Variants in SEMA5A observed in about 807,000 individuals in gnomAD.
SEMA5A encodes the protein semaphorin-5A.
In SEMA5A, 55 loss-of-function variants were observed where a neutral mutation model predicts 135.5. The observed-to-expected ratio is 0.41, with a 90% confidence interval of 0.33 to 0.51. The LOEUF is 0.51. Ranked by LOEUF, SEMA5A falls within the 20% of genes least tolerant of loss-of-function variation. The pLI is 0.37. For missense variants in SEMA5A, 1,290 were observed against 1,419.9 expected, an observed-to-expected ratio of 0.91 and a Z score of 1.47; for synonymous variants, 580 against 546.5, an observed-to-expected ratio of 1.06 and a Z score of -0.85.
intron 4 of SEMA5A, among the ~76,000 whole-genome samples, chr5:9,320,356 A>T (rs1579338659): frequency 6.6e-6 from 1 of 152,066 alleles, no homozygotes; most frequent in East Asian, 1.9e-4. Context: ...CTCTGAGGGG[A>T]GGGAATATTA....
chr5:9,202,397 C>A (rs1295588015), intron 8 of SEMA5A, among the ~76,000 whole-genome samples, 157 bp from the exon 9 acceptor site: 1 of 152,170 alleles, frequency 6.6e-6, no homozygotes, highest in Non-Finnish European at 1.5e-5. Context: ...GCTTAATGAT[C>A]TACACTGTTG....
intron 8 of SEMA5A, among the ~76,000 whole-genome samples, chr5:9,207,104 A>G (rs949972247): frequency 8.7e-4 from 28 of 32,138 alleles, no homozygotes; most frequent in African/African-American, 3.4e-3. Context: ...GATCAAGTGT[A>G]TATATATATA....
chr5:9,353,110 A>AG (rs768848070), intron 3 of SEMA5A, among the ~76,000 whole-genome samples: 303 of 16,976 alleles, frequency 0.018, 56 homozygotes, highest in African/African-American at 0.052. Context: ...AGGAAAGGAA[A>AG]GGAAAGGAAA....
intron 2 of SEMA5A, among the ~76,000 whole-genome samples, chr5:9,383,586 T>A (rs1755706372): frequency 1.3e-5 from 2 of 152,208 alleles, no homozygotes; most frequent in Admixed American, 6.5e-5. Context: ...CAAGCCATCA[T>A]GGAGATGGGT....
intron 18 of SEMA5A, among the ~76,000 whole-genome samples, chr5:9,054,667 G>T (rs1033642115): frequency 2.6e-5 from 4 of 152,150 alleles, no homozygotes; most frequent in Admixed American, 6.5e-5. Context: ...TCTCACCTTT[G>T]CCATCTAACT....
At chr5:9,062,826 T>C (rs1561114984) in intron 18 of SEMA5A, 61 bp downstream of exon 18, 3 of 1,560,296 alleles carry the variant, frequency 1.9e-6, no homozygotes, top group Non-Finnish European at 2.7e-6. Flanking sequence ...CCTGGTAAAT[T>C]AGAAGACTCT....
At chr5:9,181,571 T>C (rs1744511995) in intron 11 of SEMA5A, among the ~76,000 whole-genome samples, 1 of 152,024 alleles carries the variant, frequency 6.6e-6, no homozygotes, top group Non-Finnish European at 1.5e-5. Context: ...CCTTTGGTGC[T>C]TTATTTTGAG....
rs1308841600 is a variant in SEMA5A at position 9,044,529 on chromosome 5, G to A, written c.2949C>T (p.Cys983=). 4 of 1,613,920 alleles carry A rather than the reference G, an allele frequency of 2.5e-6. No individual in the cohort carries two copies. The highest frequency in any genetic ancestry group is 1.3e-5 in the African/African-American group (1 of 74,898). The change falls in exon 22 of 23, where the codon TGC becomes TGT. Residue 983 remains cysteine, a synonymous_variant. Coordinates refer to ENST00000382496, the MANE Select transcript of SEMA5A (RefSeq NM_003966.3). ...AVGLSSSILG[C]LLTLLVYTYC... Reference sequence around the variant, plus strand: ...AAGTATAGACGAGCAGGGTGAGGAGGCAGCCGAGGATGGAGCTGCTCAGCC... The same window carrying A: ...AAGTATAGACGAGCAGGGTGAGGAGACAGCCGAGGATGGAGCTGCTCAGCC...
At chr5:9,221,554 G>C (rs113756766) in intron 8 of SEMA5A, among the ~76,000 whole-genome samples, 4 of 150,920 alleles carry the variant, frequency 2.7e-5, no homozygotes, top group South Asian at 4.2e-4. Context: ...CGCCCGCCTC[G>C]GCCTCCCAAA....
intron 1 of SEMA5A, among the ~76,000 whole-genome samples, chr5:9,478,701 A>G (rs569676430): frequency 1.3e-5 from 2 of 152,294 alleles, no homozygotes; most frequent in Non-Finnish European, 2.9e-5. Flanking sequence ...CTCCCATTGT[A>G]TCTTGGAAGT....
At chr5:9,211,043 A>G (rs1746321204) in intron 8 of SEMA5A, among the ~76,000 whole-genome samples, 1 of 152,218 alleles carries the variant, frequency 6.6e-6, no homozygotes, top group Non-Finnish European at 1.5e-5. Context: ...GCAACTGGCA[A>G]TGGCTGCTGA....
intron 1 of SEMA5A, among the ~76,000 whole-genome samples, chr5:9,442,859 T>C (rs1429827621): frequency 6.6e-6 from 1 of 152,232 alleles, no homozygotes; most frequent in African/African-American, 2.4e-5. Flanking sequence ...GAGGAATGAA[T>C]GTTCTTGAAT....
rs139970356 is a variant in SEMA5A at position 9,504,542 on chromosome 5, G to A, written c.-175+41042C>T. 6.6e-3 allele frequency among the ~76,000 whole-genome samples: 998 copies of A among 152,278 alleles called. 11 individuals carry two copies. The highest frequency in any genetic ancestry group is 0.023 in the African/African-American group (959 of 41,570). ...TACCGGGGTCTCAAATGCAACAGCA[G>A]GTAAGCACAAGTGCTGTGAAGGGCA... On this transcript the variant is annotated intron_variant, in intron 1 of 22. Transcript: ENST00000382496.
chr5:9,327,815 G>T (rs1311861750), intron 4 of SEMA5A, among the ~76,000 whole-genome samples: 4 of 151,898 alleles, frequency 2.6e-5, no homozygotes, highest in African/African-American at 9.7e-5. Flanking sequence ...ATGATTTATT[G>T]CTCTAAATTT....
intron 1 of SEMA5A, among the ~76,000 whole-genome samples, chr5:9,465,231 T>C (rs1759213508): frequency 1.3e-5 from 2 of 152,252 alleles, no homozygotes; most frequent in Non-Finnish European, 2.9e-5. Context: ...TCTGCTTATC[T>C]GTGGGTCAGT....
chr5:9,286,026 A>G (rs1750777532), intron 5 of SEMA5A, among the ~76,000 whole-genome samples: 1 of 152,204 alleles, frequency 6.6e-6, no homozygotes, highest in Admixed American at 6.5e-5. Context: ...ACATAGGTAC[A>G]ACTATAATAT....
intron 16 of SEMA5A, among the ~76,000 whole-genome samples, chr5:9,084,588 T>C (rs188435001): frequency 9.2e-5 from 14 of 152,218 alleles, no homozygotes; most frequent in Non-Finnish European, 1.8e-4. Context: ...CCATGTGAGA[T>C]ATGCCTTTCA....
At chr5:9,389,244 C>A (rs1230794841) in intron 2 of SEMA5A, among the ~76,000 whole-genome samples, 1 of 151,772 alleles carries the variant, frequency 6.6e-6, no homozygotes, top group Non-Finnish European at 1.5e-5. Flanking sequence ...ACACTCCAAC[C>A]TCTTCTGAAT....
At chr5:9,310,960 A>G (rs901120614) in intron 5 of SEMA5A, among the ~76,000 whole-genome samples, 2 of 151,928 alleles carry the variant, frequency 1.3e-5, no homozygotes, top group African/African-American at 4.8e-5. Flanking sequence ...ATATATACAT[A>G]GAAATCTAAA....
Sources: allele counts gnomAD v4.1 joint callset (sites outside exome capture counted in the v4.1 genomes callset), GRCh38; gene constraint gnomAD v4.1.1; transcripts MANE v1.5; gene names NCBI Gene and HGNC (gene_info 2026-07-23, HGNC 2026-07-21).